Variants in LIMD1 observed in about 807,000 individuals in gnomAD.
The protein encoded by LIMD1 is LIM domain-containing protein 1.
Under a neutral mutation model 58.4 loss-of-function variants are expected in LIMD1, and 23 were observed. The ratio of observed to expected loss-of-function variants is 0.39; its 90% CI spans 0.28 to 0.56. The LOEUF is 0.56. Among genes scored for constraint, LIMD1 ranks in the 20% least tolerant of loss-of-function variants. The pLI, the probability that LIMD1 is intolerant of heterozygous loss-of-function variation, is 0.57. For missense variants in LIMD1, 838 were observed against 855.5 expected (o/e 0.98, Z 0.25); for synonymous variants, 334 against 345.5 (o/e 0.97, Z 0.37).
In LIMD1 at chr3:45,673,745, C is replaced by T; in HGVS notation, c.1824+240C>T. The T allele has an allele frequency of 5.5e-6, 3 of 546,506 alleles. No homozygotes were observed. In the South Asian group the frequency reaches 6.6e-5, roughly 12 times the overall value. The allele number at this position is 546,506 out of a possible 1,614,324, so 33.9% of individuals were successfully genotyped here. On this transcript the variant is annotated intron_variant, in intron 6 of 7. Coordinates refer to ENST00000273317, the MANE Select transcript of LIMD1 (RefSeq NM_014240.3). Reference sequence around the variant, plus strand: ...CCTGGGCAACATAGCAAGACCTCATCTCTACAAAAAATTGTTAAAAATTGG... The same window carrying T: ...CCTGGGCAACATAGCAAGACCTCATTTCTACAAAAAATTGTTAAAAATTGG...
At chr3:45,644,973 G>A (rs1701886866) in intron 2 of LIMD1, among the ~76,000 whole-genome samples, 1 of 152,186 alleles carries the variant, frequency 6.6e-6, no homozygotes, top group Non-Finnish European at 1.5e-5. Context: ...CTGAGCTGTC[G>A]AATTGTCCGA....
intron 1 of LIMD1, among the ~76,000 whole-genome samples, chr3:45,615,015 A>G (rs1371466947): frequency 6.6e-6 from 1 of 152,200 alleles, no homozygotes; most frequent in Non-Finnish European, 1.5e-5. Context: ...GTCGGGGAGC[A>G]GAACTTCCCC....
intron 1 of LIMD1, among the ~76,000 whole-genome samples, chr3:45,622,046 A>G (rs1291890252): frequency 2.7e-5 from 4 of 150,088 alleles, no homozygotes; most frequent in African/African-American, 7.3e-5. Flanking sequence ...CTGGCGACAG[A>G]GCGAGACTCC....
chr3:45,646,537 C>T (rs114626230), intron 2 of LIMD1, among the ~76,000 whole-genome samples: 4,611 of 152,312 alleles, frequency 0.03, 76 homozygotes, highest in Non-Finnish European at 0.041. Context: ...CCACCTGGGG[C>T]TCTTGAGCAC....
At chr3:45,617,815 C>G (rs778662533) in intron 1 of LIMD1, among the ~76,000 whole-genome samples, 1 of 152,168 alleles carries the variant, frequency 6.6e-6, no homozygotes, top group African/African-American at 2.4e-5. Flanking sequence ...ACGGGAAGGG[C>G]TGTCGGTGGG....
chr3:45,602,876 G>A (rs987220676), intron 1 of LIMD1, among the ~76,000 whole-genome samples: 4 of 148,360 alleles, frequency 2.7e-5, no homozygotes, highest in East Asian at 2.0e-4. Flanking sequence ...GGCTCACTCC[G>A]TCACCCAGGC....
chr3:45,659,700 A>G (rs1301792478), intron 2 of LIMD1, among the ~76,000 whole-genome samples: 1 of 152,222 alleles, frequency 6.6e-6, no homozygotes, highest in African/African-American at 2.4e-5. Flanking sequence ...GTAACATTTC[A>G]TCATTTATAT....
intron 1 of LIMD1, among the ~76,000 whole-genome samples, chr3:45,631,654 G>A (rs1405691852): frequency 6.6e-6 from 1 of 152,174 alleles, no homozygotes; most frequent in African/African-American, 2.4e-5. Context: ...TCAGAGAGAG[G>A]AAGCCAGAAG....
At chr3:45,654,913 T>C (rs1688846534) in intron 2 of LIMD1, among the ~76,000 whole-genome samples, 1 of 147,324 alleles carries the variant, frequency 6.8e-6, no homozygotes, top group South Asian at 2.3e-4. Flanking sequence ...TGCACATTTA[T>C]CAGTCAATTT....
At chr3:45,601,787 C>T (rs1229722391) in intron 1 of LIMD1, among the ~76,000 whole-genome samples, 1 of 152,200 alleles carries the variant, frequency 6.6e-6, no homozygotes, top group Non-Finnish European at 1.5e-5. Context: ...TGCTTCTGCT[C>T]TGACCACTTG....
At chr3:45,642,377 A>G (rs147801770) in intron 2 of LIMD1, among the ~76,000 whole-genome samples, 4,601 of 151,970 alleles carry the variant, frequency 0.03, 76 homozygotes, top group Non-Finnish European at 0.041. Flanking sequence ...GGGTCTTGCT[A>G]TGTTGCCCAG....
At chr3:45,672,075 A>G (rs1697591795) in intron 4 of LIMD1, among the ~76,000 whole-genome samples, 1 of 152,222 alleles carries the variant, frequency 6.6e-6, no homozygotes, top group Non-Finnish European at 1.5e-5. Flanking sequence ...GTTTAAAAAC[A>G]ACAACAGAGA....
chr3:45,613,928 C>A (rs189219766), intron 1 of LIMD1, among the ~76,000 whole-genome samples: 1 of 151,956 alleles, frequency 6.6e-6, no homozygotes, highest in African/African-American at 2.4e-5. Flanking sequence ...CCAAAGTGGC[C>A]GTGCCACTTA....
At chr3:45,611,642 A>G (rs140212296) in intron 1 of LIMD1, among the ~76,000 whole-genome samples, 79 of 152,238 alleles carry the variant, frequency 5.2e-4, no homozygotes, top group African/African-American at 1.8e-3. Context: ...TTTCCTGGGT[A>G]TGGGCCTCCC....
At chr3:45,624,536 C>A (rs750349715) in intron 1 of LIMD1, among the ~76,000 whole-genome samples, 1 of 152,070 alleles carries the variant, frequency 6.6e-6, no homozygotes, top group African/African-American at 2.4e-5. Context: ...GAAACCCCAT[C>A]TCTACTGAAA....
intron 1 of LIMD1, among the ~76,000 whole-genome samples, chr3:45,632,208 A>T (rs1348711078): frequency 1.3e-5 from 2 of 152,216 alleles, no homozygotes; most frequent in African/African-American, 2.4e-5. Flanking sequence ...CTCATTGTAA[A>T]GGCTTAGAGT....
intron 1 of LIMD1, among the ~76,000 whole-genome samples, chr3:45,611,460 A>G (rs1266934010): frequency 6.6e-6 from 1 of 152,266 alleles, no homozygotes; most frequent in Non-Finnish European, 1.5e-5. Context: ...TTTAGCAAGT[A>G]CAGGCAGAAA....
chr3:45,597,624 C>CT (rs1309938257), intron 1 of LIMD1, among the ~76,000 whole-genome samples: 4 of 152,098 alleles, frequency 2.6e-5, no homozygotes, highest in Non-Finnish European at 5.9e-5. Flanking sequence ...AGGGGTTTTT[C>CT]TTTTTCAGTT....
Position 45,657,524 on chromosome 3 carries a change from C to CAAAA in LIMD1, c.1511-8109_1511-8106dup, listed in dbSNP as rs71617901. ...TGGGCAACAGAGCAAGACGCTGTCT[C>CAAAA]AAAAAAAAAAAAAAAAAAAAGGAAA... is the stretch of plus-strand genomic sequence containing the variant. On this transcript the variant is annotated intron_variant, in intron 2 of 7. Coordinates refer to ENST00000273317, the MANE Select transcript of LIMD1 (RefSeq NM_014240.3). 8.0e-5 allele frequency among the ~76,000 whole-genome samples: 8 copies of CAAAA among 99,614 alleles called. No homozygotes were observed. The Admixed American group carries it at 8.3e-4, about 10-fold the overall frequency. 65.4% of individuals were successfully genotyped at this position (99,614 alleles called of 152,430 possible).
Sources: allele counts gnomAD v4.1 joint callset (sites outside exome capture counted in the v4.1 genomes callset), GRCh38; gene constraint gnomAD v4.1.1; transcripts MANE v1.5; gene names NCBI Gene and HGNC (gene_info 2026-07-23, HGNC 2026-07-21).